Variants in SDK1 observed in about 807,000 individuals in gnomAD.
SDK1 encodes protein sidekick-1.
A neutral mutation model predicts 245.5 loss-of-function variants in SDK1; 157 were observed. The observed-to-expected ratio is 0.64, with a 90% confidence interval of 0.56 to 0.73. SDK1 has a LOEUF of 0.73. Among genes scored for constraint, SDK1 ranks in the 30% least tolerant of loss-of-function variants. SDK1 has a pLI of 0.00. For synonymous variants in SDK1, 1,647 were observed against 1,278.5 expected, an observed-to-expected ratio of 1.29 and a Z score of -6.15; for missense variants, 3,583 against 3,002.3, an observed-to-expected ratio of 1.19 and a Z score of -4.52.
At chr7:3,618,824 G>C (rs948254200) in intron 1 of SDK1, among the ~76,000 whole-genome samples, 1 of 152,188 alleles carries the variant, frequency 6.6e-6, no homozygotes, top group Non-Finnish European at 1.5e-5. Context: ...TTAACCATAA[G>C]TGGAAATAAC....
chr7:3,413,502 C>G (rs1427843557), intron 1 of SDK1, among the ~76,000 whole-genome samples: 1 of 151,658 alleles, frequency 6.6e-6, no homozygotes, highest in Non-Finnish European at 1.5e-5. Flanking sequence ...TGAGACCAGC[C>G]TGGCCAACAT....
intron 41 of SDK1, 142 bp from the exon 42 acceptor site, chr7:4,237,505 G>A (rs76909427): frequency 4.9e-5 from 44 of 899,920 alleles, no homozygotes; most frequent in South Asian, 3.7e-4. Context: ...AAGTCCACCC[G>A]CCCGGCTGGA....
At chr7:3,672,795 A>ATATATATATATATATATATAT (rs55676850) in intron 4 of SDK1, among the ~76,000 whole-genome samples, 1 of 67,178 alleles carries the variant, frequency 1.5e-5, no homozygotes, top group Non-Finnish European at 3.0e-5. Flanking sequence ...ATATATATAT[A>ATATATATATATATATATATAT]AAAAATACAG....
At chr7:3,742,397 G>C (rs555391896) in intron 4 of SDK1, among the ~76,000 whole-genome samples, 1 of 152,100 alleles carries the variant, frequency 6.6e-6, no homozygotes, top group Admixed American at 6.5e-5. Flanking sequence ...CTCTACTTCC[G>C]GTAAGGAGAA....
chr7:4,160,954 T>G (rs577063834), intron 31 of SDK1, among the ~76,000 whole-genome samples: 1 of 152,320 alleles, frequency 6.6e-6, no homozygotes, highest in African/African-American at 2.4e-5. Flanking sequence ...ATCTGCTAGA[T>G]GCACAAGTGT....
intron 17 of SDK1, among the ~76,000 whole-genome samples, chr7:4,019,457 G>A (rs1786690896): frequency 6.6e-6 from 1 of 152,160 alleles, no homozygotes; most frequent in Non-Finnish European, 1.5e-5. Flanking sequence ...CTAAGATAGT[G>A]GCACAGTGGG....
At position 3,669,388 on chromosome 7, in the gene SDK1, T is replaced by C. The variant is rs1372614394; in HGVS notation, c.713+27283T>C. On this transcript the variant is annotated intron_variant, in intron 4 of 44. Transcript: ENST00000404826. ...ACAGCACCTTCTTACCCCCTTTTCA[T>C]TGAACTCTTGAAGATCTACTTCTGC... Among the ~76,000 whole-genome samples the C allele has an allele frequency of 3.3e-5, 5 of 152,336 alleles. No individual in the cohort carries two copies. The East Asian group carries it at 9.7e-4, about 29-fold the overall frequency.
At chr7:3,335,856 T>G (rs1447202331) in intron 1 of SDK1, among the ~76,000 whole-genome samples, 1 of 150,990 alleles carries the variant, frequency 6.6e-6, no homozygotes, top group East Asian at 1.9e-4. Context: ...GCCCCATTTC[T>G]CTCTACCCTC....
chr7:3,975,855 G>T (rs1401981690), intron 13 of SDK1, among the ~76,000 whole-genome samples: 1 of 152,190 alleles, frequency 6.6e-6, no homozygotes, highest in Non-Finnish European at 1.5e-5. Context: ...TACAGAATCA[G>T]CCGGCGGCAG....
At chr7:3,758,293 C>T (rs1356769875) in intron 4 of SDK1, among the ~76,000 whole-genome samples, 1 of 152,150 alleles carries the variant, frequency 6.6e-6, no homozygotes, top group Admixed American at 6.5e-5. Context: ...AATGTTCTAA[C>T]GGTGATTTTT....
At chr7:4,226,743 C>G (rs545570725) in intron 40 of SDK1, among the ~76,000 whole-genome samples, 1 of 152,288 alleles carries the variant, frequency 6.6e-6, no homozygotes, top group South Asian at 2.1e-4. Context: ...AAACTATGCA[C>G]TGGACATATG....
At chr7:3,450,554 G>C (rs1780482797) in intron 1 of SDK1, among the ~76,000 whole-genome samples, 1 of 152,196 alleles carries the variant, frequency 6.6e-6, no homozygotes. Context: ...AAGTAGACTT[G>C]CAGGGATTTG....
intron 1 of SDK1, among the ~76,000 whole-genome samples, chr7:3,324,720 T>A (rs953551129): frequency 6.6e-6 from 1 of 152,214 alleles, no homozygotes; most frequent in African/African-American, 2.4e-5. Flanking sequence ...AGAAAAGTCA[T>A]CCTAATGGGT....
At chr7:3,538,511 C>A (rs1168243167) in intron 1 of SDK1, among the ~76,000 whole-genome samples, 1 of 152,184 alleles carries the variant, frequency 6.6e-6, no homozygotes, top group African/African-American at 2.4e-5. Flanking sequence ...CCAACACTTG[C>A]CTGTTTCCCT....
At chr7:3,648,675 T>G (rs1036476245) in intron 4 of SDK1, among the ~76,000 whole-genome samples, 11 of 152,222 alleles carry the variant, frequency 7.2e-5, no homozygotes, top group Admixed American at 6.5e-4. Context: ...GATCTGGTTG[T>G]AATAATGTTT....
chr7:3,624,399 G>A (rs766387763), intron 2 of SDK1, among the ~76,000 whole-genome samples: 1 of 152,038 alleles, frequency 6.6e-6, no homozygotes, highest in Non-Finnish European at 1.5e-5. Flanking sequence ...GGGTTGCACT[G>A]TGTTGCCTAG....
chr7:3,417,868 T>C (rs1192682878), intron 1 of SDK1, among the ~76,000 whole-genome samples: 2 of 152,150 alleles, frequency 1.3e-5, no homozygotes, highest in African/African-American at 2.4e-5. Context: ...ATTCATTGGA[T>C]GTTTTACAAA....
chr7:4,222,839 C>T (rs1370925530), intron 40 of SDK1, among the ~76,000 whole-genome samples: 3 of 152,144 alleles, frequency 2.0e-5, no homozygotes, highest in African/African-American at 4.8e-5. Context: ...GCCCCTCACA[C>T]AGCCAGCTGG....
intron 25 of SDK1, among the ~76,000 whole-genome samples, chr7:4,123,698 G>C (rs1038506423): frequency 6.6e-6 from 1 of 152,252 alleles, no homozygotes; most frequent in African/African-American, 2.4e-5. Context: ...TATTTGGGAA[G>C]ATTGGACTGG....
Sources: gnomAD v4.1 joint callset for allele counts (sites outside exome capture counted in the v4.1 genomes callset) on GRCh38, gnomAD v4.1.1 for gene constraint, MANE v1.5 for transcripts, NCBI Gene and HGNC (gene_info 2026-07-23, HGNC 2026-07-21) for gene names.